Variants in PCDHA4 observed in about 807,000 individuals in gnomAD.
The protein encoded by PCDHA4 is protocadherin alpha 4, also known as protocadherin alpha-4.
In PCDHA4, 49 loss-of-function variants were observed where a neutral mutation model predicts 61.4. The observed-to-expected ratio is 0.80, with a 90% CI of 0.63 to 1.01. The LOEUF (loss-of-function observed/expected upper bound fraction) is 1.01. PCDHA4 is among the 50% of genes least tolerant of loss of function. The pLI, the probability that PCDHA4 is intolerant of heterozygous loss-of-function variation, is 0.00. For synonymous variants in PCDHA4, 590 were observed against 550.3 expected (o/e 1.07, Z -1.01); for missense variants, 1,254 against 1,235.8 (o/e 1.01, Z -0.22).
At chr5:140,920,841 TAAA>T (rs781921146) in intron 1 of PCDHA4, among the ~76,000 whole-genome samples, 2 of 109,226 alleles carry the variant, frequency 1.8e-5, no homozygotes, top group Non-Finnish European at 3.9e-5. Context: ...AGACCAAATC[TAAA>T]AAAAAAAAAA....
At chr5:140,856,372 C>T in intron 1 of PCDHA4, 3 of 1,598,462 alleles carry the variant, frequency 1.9e-6, no homozygotes, top group Non-Finnish European at 2.6e-6. Context: ...TGGAGGTGAT[C>T]GTGGACAGGC....
chr5:140,883,467 CCTACAAGAA>C (rs1554178369), intron 1 of PCDHA4: 1 of 1,614,170 alleles, frequency 6.2e-7, no homozygotes, highest in East Asian at 2.2e-5. Flanking sequence ...CTGGTGTCCA[CCTACAAGAA>C]CTACTACTCA....
chr5:140,895,023 T>C (rs781895966), intron 1 of PCDHA4, among the ~76,000 whole-genome samples: 2 of 152,204 alleles, frequency 1.3e-5, no homozygotes, highest in Non-Finnish European at 2.9e-5. Flanking sequence ...TTTCCTTTGT[T>C]TAATTGTCCC....
chr5:140,883,581 C>T (rs144119560), intron 1 of PCDHA4: 1 of 1,614,018 alleles, frequency 6.2e-7, no homozygotes, highest in Non-Finnish European at 8.5e-7. Flanking sequence ...CTGTGGGCCA[C>T]GGCCAGCGTG....
intron 1 of PCDHA4, chr5:140,828,460 G>A: frequency 6.2e-7 from 1 of 1,614,278 alleles, no homozygotes; most frequent in Non-Finnish European, 8.5e-7. Flanking sequence ...ACGTGGAGGT[G>A]AGGGACATTA....
intron 1 of PCDHA4, chr5:140,857,501 G>C (rs1554150129): frequency 6.3e-7 from 1 of 1,598,242 alleles, no homozygotes; most frequent in Non-Finnish European, 8.6e-7. Flanking sequence ...GGACGCGCAG[G>C]AGAACGCCCT....
chr5:140,921,587 A>G (rs970982898), intron 1 of PCDHA4, among the ~76,000 whole-genome samples: 2 of 152,228 alleles, frequency 1.3e-5, no homozygotes, highest in Non-Finnish European at 2.9e-5. Context: ...ATACTATATT[A>G]TGGTTTCAAA....
At chr5:140,849,688 T>C in intron 1 of PCDHA4, 3 of 1,598,706 alleles carry the variant, frequency 1.9e-6, no homozygotes, top group Non-Finnish European at 2.6e-6. Flanking sequence ...TTCAAGCTGG[T>C]GTCCACCTAC....
At position 140,965,675 on chromosome 5, in the gene PCDHA4, A is replaced by G. The variant is rs1049081993; in HGVS notation, c.2386-13274A>G. ...AAATGTCTTGGGTGATAAATGTAAA[A>G]GATTTGAAGCAAGATTAGAAAAAGC... On this transcript the variant is annotated intron_variant, in intron 1 of 3. Transcript: ENST00000530339. Among the ~76,000 whole-genome samples, 4 of 152,350 alleles carry G rather than the reference A, an allele frequency of 2.6e-5. No homozygotes were observed. The East Asian group carries it at 7.7e-4, about 29-fold the overall frequency.
At chr5:141,004,303 T>C (rs2098161196) in intron 3 of PCDHA4, among the ~76,000 whole-genome samples, 2 of 152,178 alleles carry the variant, frequency 1.3e-5, no homozygotes, top group South Asian at 4.1e-4. Context: ...GATGTTTGTT[T>C]TATACAACAA....
intron 1 of PCDHA4, chr5:140,850,243 G>A: frequency 6.3e-7 from 1 of 1,593,880 alleles, no homozygotes; most frequent in Non-Finnish European, 8.6e-7. Flanking sequence ...ATGGTGCTGC[G>A]GTCGGTGGGC....
rs1764214382 is a variant in PCDHA4 at position 140,808,604 on chromosome 5, C to T, written c.1417C>T (p.His473Tyr). 2 of 1,613,764 alleles carry T rather than the reference C, an allele frequency of 1.2e-6. No individual in the cohort carries two copies. Among genetic ancestry groups the T allele is most frequent in the African/African-American group, 2.7e-5 (2 of 74,944 alleles). Residue 473 changes from histidine (H) to tyrosine (Y), a missense_variant, in exon 1 of 4, where the codon CAC becomes TAC. His to Tyr is a moderately conservative substitution (Grantham distance 83). Coordinates refer to ENST00000530339, the MANE Select transcript of PCDHA4 (RefSeq NM_018907.4). Reference protein sequence around the residue: ...FVKENNPPGCHIFTVSAWDAD... With the variant: ...FVKENNPPGCYIFTVSAWDAD... ...GAAGGAGAACAACCCGCCGGGCTGC[C>T]ACATCTTCACTGTGTCTGCGTGGGA...
chr5:141,000,387 C>CTA (rs2097910380), intron 3 of PCDHA4, among the ~76,000 whole-genome samples: 5 of 66,898 alleles, frequency 7.5e-5, no homozygotes, highest in Non-Finnish European at 1.1e-4. Context: ...CTCTCTCTCT[C>CTA]TCTCTCTCTA....
chr5:140,830,083 G>A (rs141570762), intron 1 of PCDHA4: 64 of 1,613,578 alleles, frequency 4.0e-5, no homozygotes, highest in Non-Finnish European at 5.1e-5. Flanking sequence ...CGACGGCCAC[G>A]GTTCTGGTGT....
At chr5:140,829,972 C>G (rs2150178904) in intron 1 of PCDHA4, 5 of 1,614,006 alleles carry the variant, frequency 3.1e-6, no homozygotes, top group Non-Finnish European at 4.2e-6. Context: ...TGGGGCTGTA[C>G]ACGGGCGAGA....
At chr5:140,967,980 A>C in intron 1 of PCDHA4, 1 of 1,614,198 alleles carries the variant, frequency 6.2e-7, no homozygotes, top group South Asian at 1.1e-5. Context: ...CTGGGTCTGG[A>C]GGCCACACTG....
intron 1 of PCDHA4, among the ~76,000 whole-genome samples, chr5:140,958,853 G>T (rs897789588): frequency 1.3e-5 from 2 of 151,804 alleles, no homozygotes; most frequent in Non-Finnish European, 2.9e-5. Context: ...AGTGTCTTTG[G>T]TTTACTGGGT....
chr5:140,929,554 C>G (rs899446101), intron 1 of PCDHA4: 17 of 488,414 alleles, frequency 3.5e-5, no homozygotes, highest in Non-Finnish European at 5.5e-5. Flanking sequence ...AAAATTAAAA[C>G]CTATTTAAGA....
intron 1 of PCDHA4, among the ~76,000 whole-genome samples, chr5:140,911,235 A>G (rs1426271043): frequency 1.3e-5 from 2 of 152,146 alleles, no homozygotes; most frequent in Non-Finnish European, 2.9e-5. Flanking sequence ...TTCTTCTGGC[A>G]AAAAAAGTTT....
Sources: gnomAD v4.1 joint callset for allele counts (sites outside exome capture counted in the v4.1 genomes callset) on GRCh38, gnomAD v4.1.1 for gene constraint, MANE v1.5 for transcripts, NCBI Gene and HGNC (gene_info 2026-07-23, HGNC 2026-07-21) for gene names.